RNF24: variants seen among roughly 807,000 people sequenced by gnomAD.
RNF24 encodes ring finger protein 24.
Under a neutral mutation model 20.0 loss-of-function variants are expected in RNF24, and 14 were observed. That is an observed-to-expected ratio of 0.70 (90% CI 0.46 to 1.10). The LOEUF (loss-of-function observed/expected upper bound fraction) is 1.10, where lower values mean the gene tolerates loss of function less well. RNF24 is among the 50% of genes least tolerant of loss of function. The pLI is 0.00. For missense variants in RNF24, 124 were observed against 177.6 expected (o/e 0.70, Z 1.71); for synonymous variants, 45 against 61.1 (o/e 0.74, Z 1.23).
chr20:3,953,466 TC>T (rs1326748352), intron 2 of RNF24, among the ~76,000 whole-genome samples: 2,299 of 44,772 alleles, frequency 0.051, 38 homozygotes, highest in Admixed American at 0.17. Flanking sequence ...ACACATTCTC[TC>T]TTTTTTTTTT....
intron 1 of RNF24, among the ~76,000 whole-genome samples, chr20:3,969,033 CT>C (rs2091287459): frequency 6.6e-6 from 1 of 151,950 alleles, no homozygotes; most frequent in Non-Finnish European, 1.5e-5. Flanking sequence ...TAATTTGGGG[CT>C]TGTTTCTTAT....
intron 1 of RNF24, among the ~76,000 whole-genome samples, chr20:3,980,967 TG>T (rs397756064): frequency 1.3e-5 from 1 of 79,534 alleles, no homozygotes; most frequent in East Asian, 3.9e-4. Flanking sequence ...GTGTGTGTGT[TG>T]GGGGGGGCAG....
At position 3,931,126 on chromosome 20, in the gene RNF24, A is replaced by G. The variant is rs1296676377; in HGVS notation, c.*2937T>C. ...GAATTCAGTTGTACCCCTAGCAACT[A>G]CTAATGGTTCAGCCACCCGTGGAGT... On this transcript the variant is annotated 3_prime_UTR_variant, in exon 6 of 6. Transcript: ENST00000358395. 2.6e-5 allele frequency: 4 copies of G among 152,276 alleles called. No individual in the cohort carries two copies. The highest frequency in any genetic ancestry group is 9.7e-5 in the African/African-American group (4 of 41,450). The allele number at this position is 152,276 out of a possible 1,614,324, so 9.4% of individuals were successfully genotyped here. A position where few individuals can be genotyped will look rare whatever the true frequency, so the allele number is the denominator to read the frequency against.
At chr20:3,987,645 T>C (rs1338914906) in intron 1 of RNF24, among the ~76,000 whole-genome samples, 1 of 152,094 alleles carries the variant, frequency 6.6e-6, no homozygotes, top group Non-Finnish European at 1.5e-5. Context: ...AAAACAAATA[T>C]GATTCTTAAA....
At chr20:3,976,815 G>A (rs6116141) in intron 1 of RNF24, among the ~76,000 whole-genome samples, 1,548 of 152,266 alleles carry the variant, frequency 0.01, 17 homozygotes, top group African/African-American at 0.035. Context: ...TTGATGTACT[G>A]TAAGAAATCC....
At chr20:3,950,214 T>C (rs1160433834) in intron 2 of RNF24, among the ~76,000 whole-genome samples, 7 of 152,220 alleles carry the variant, frequency 4.6e-5, no homozygotes, top group African/African-American at 1.2e-4. Context: ...CCTCAGAATA[T>C]AACCTTATTT....
At chr20:4,015,056 C>T (rs1316880083) in intron 1 of RNF24, 1 of 152,490 alleles carries the variant, frequency 6.6e-6, no homozygotes, top group East Asian at 1.9e-4. Context: ...CATCCTCCTC[C>T]TAGCCTCCCA....
At chr20:3,952,239 CTGAG>C (rs1212387152) in intron 2 of RNF24, among the ~76,000 whole-genome samples, 1 of 151,850 alleles carries the variant, frequency 6.6e-6, no homozygotes, top group Non-Finnish European at 1.5e-5. Context: ...CTTTGCAAGA[CTGAG>C]TGTCTAACCT....
At chr20:3,971,034 C>T (rs183362299) in intron 1 of RNF24, among the ~76,000 whole-genome samples, 119 of 152,236 alleles carry the variant, frequency 7.8e-4, no homozygotes, top group African/African-American at 2.7e-3. Context: ...CAAGACACAT[C>T]GTAGTCAAAC....
intron 1 of RNF24, among the ~76,000 whole-genome samples, chr20:3,979,102 A>AC (rs1979164483): frequency 6.6e-6 from 1 of 150,382 alleles, no homozygotes; most frequent in South Asian, 2.1e-4. Flanking sequence ...AAAAAAAAAA[A>AC]AAAACCCAAA....
intron 1 of RNF24, among the ~76,000 whole-genome samples, chr20:3,994,235 A>T (rs1980685247): frequency 6.6e-6 from 1 of 152,250 alleles, no homozygotes; most frequent in Admixed American, 6.5e-5. Flanking sequence ...TGAAATAAAG[A>T]GCCAGAGTGG....
rs768059062 is a variant in RNF24, at chr20:3,979,866, G to A, written c.-7-15842C>T. On this transcript the variant is annotated intron_variant, in intron 1 of 5. Coordinates refer to ENST00000358395, the MANE Select transcript of RNF24 (RefSeq NM_001134337.3). ...TGTAGGTGTATAAGTGTAACTGATCGTATTATCAATCTAAAAAAGAATAAT... is the reference window on the plus strand; with the variant it reads ...TGTAGGTGTATAAGTGTAACTGATCATATTATCAATCTAAAAAAGAATAAT... Among the ~76,000 whole-genome samples the A allele has an allele frequency of 5.6e-4, 85 of 151,972 alleles. 1 individual carries two copies. The highest frequency in any genetic ancestry group is 4.5e-3 in the Admixed American group (68 of 15,264).
rs762790263 is a variant in RNF24 at position 3,963,870 on chromosome 20, G to A, written c.143+5C>T. ...TTGAAGTAACATAGAATGAAAATTG[G>A]TTACCTAATCAAGTAGCAACAGAAG... On this transcript the variant is annotated splice_donor_5th_base_variant and intron_variant, in intron 2 of 5. Coordinates refer to ENST00000358395, the MANE Select transcript of RNF24 (RefSeq NM_001134337.3). 3.9e-6 allele frequency: 6 copies of A among 1,554,748 alleles called. No homozygotes were observed. The highest frequency in any genetic ancestry group is 5.2e-6 in the Non-Finnish European group (6 of 1,145,872).
chr20:3,996,630 T>G (rs545546590), intron 1 of RNF24, among the ~76,000 whole-genome samples: 19 of 152,312 alleles, frequency 1.2e-4, no homozygotes, highest in African/African-American at 4.3e-4. Context: ...CTACACTTCC[T>G]AGCCTTCCTT....
At chr20:3,989,368 G>A (rs1017165683) in intron 1 of RNF24, among the ~76,000 whole-genome samples, 2 of 152,006 alleles carry the variant, frequency 1.3e-5, no homozygotes, top group African/African-American at 4.8e-5. Flanking sequence ...GCGGGCGCCT[G>A]TAGTCCCAGG....
intron 1 of RNF24, among the ~76,000 whole-genome samples, chr20:3,997,325 T>C (rs1980966224): frequency 6.6e-6 from 1 of 151,940 alleles, no homozygotes; most frequent in African/African-American, 2.4e-5. Context: ...CCTTCCAATA[T>C]ACTGATGTTC....
intron 1 of RNF24, among the ~76,000 whole-genome samples, chr20:4,007,813 G>C (rs558458897): frequency 2.1e-4 from 32 of 151,810 alleles, no homozygotes; most frequent in Admixed American, 7.2e-4. Context: ...CTACTTGGGA[G>C]GTTGAGGTGG....
intron 1 of RNF24, among the ~76,000 whole-genome samples, chr20:4,009,746 A>G (rs1473538366): frequency 6.6e-6 from 1 of 152,192 alleles, no homozygotes; most frequent in Non-Finnish European, 1.5e-5. Context: ...ATTTTTGGTC[A>G]TGAATCTGAA....
At chr20:3,974,700 T>A (rs1978708769) in intron 1 of RNF24, among the ~76,000 whole-genome samples, 1 of 152,114 alleles carries the variant, frequency 6.6e-6, no homozygotes, top group East Asian at 1.9e-4. Flanking sequence ...TAATAAGACA[T>A]TAGATATGTA....
Sources: allele counts gnomAD v4.1 joint callset (sites outside exome capture counted in the v4.1 genomes callset), GRCh38; gene constraint gnomAD v4.1.1; transcripts MANE v1.5; gene names NCBI Gene and HGNC (gene_info 2026-07-23, HGNC 2026-07-21).